GATAD2B: variants seen among roughly 807,000 people sequenced by gnomAD.
GATAD2B encodes transcriptional repressor p66-beta.
In GATAD2B, 8 loss-of-function variants were observed where a neutral mutation model predicts 64.3. The observed-to-expected ratio is 0.12, with a 90% CI of 0.07 to 0.22. The LOEUF is 0.22. GATAD2B is among the 10% of genes least tolerant of loss of function. GATAD2B has a pLI of 1.00. For synonymous variants in GATAD2B, 281 were observed against 271.3 expected (o/e 1.04, Z -0.35); for missense variants, 453 against 752.0 (o/e 0.60, Z 4.65).
chr1:153,832,326 T>C (rs1470569606), intron 1 of GATAD2B, among the ~76,000 whole-genome samples: 3 of 152,210 alleles, frequency 2.0e-5, no homozygotes, highest in African/African-American at 4.8e-5. Context: ...AAGGCCTTAC[T>C]GGCAATATGG....
intron 1 of GATAD2B, among the ~76,000 whole-genome samples, chr1:153,845,707 G>C (rs890185742): frequency 1.3e-5 from 2 of 151,992 alleles, no homozygotes; most frequent in African/African-American, 4.8e-5. Flanking sequence ...GCTGCAGTGA[G>C]CAATTGCACC....
intron 1 of GATAD2B, among the ~76,000 whole-genome samples, chr1:153,866,394 G>T (rs376306640): frequency 6.1e-4 from 93 of 152,110 alleles, no homozygotes; most frequent in South Asian, 4.4e-3. Context: ...GAGATTAGTG[G>T]GCCTGTGTCC....
chr1:153,907,955 C>T (rs977163063), intron 1 of GATAD2B, among the ~76,000 whole-genome samples: 2 of 152,162 alleles, frequency 1.3e-5, no homozygotes, highest in African/African-American at 4.8e-5. Context: ...CAGGCATGCG[C>T]CACCACGTTC....
At position 153,811,737 on chromosome 1, in the gene GATAD2B, T is replaced by C; in HGVS notation, c.1642A>G (p.Met548Val). The change falls in exon 10 of 11, where the codon ATG (methionine) becomes GTG (valine). Residue 548 changes from methionine to valine, a missense_variant. Met to Val is a conservative substitution (Grantham distance 21, BLOSUM62 1). Around this residue, in one of 2 missense-constraint regions of GATAD2B, gnomAD observed 160 missense variants for 334.7 expected, o/e 0.48. Coordinates refer to ENST00000368655, the MANE Select transcript of GATAD2B (RefSeq NM_020699.4). Reference protein sequence around the residue: ...QLSVPGGLLGMPGVNIAYLNT... With the variant: ...QLSVPGGLLGVPGVNIAYLNT... ...TCAGATTAATCCTTCTTACCTGGCA[T>C]ACCAAGGAGGCCACCTGGCACAGAC... 1 of 1,602,370 alleles carries C rather than the reference T, an allele frequency of 6.2e-7. No homozygotes were observed. Among genetic ancestry groups the C allele is most frequent in the Non-Finnish European group, 8.5e-7 (1 of 1,169,930 alleles).
intron 1 of GATAD2B, among the ~76,000 whole-genome samples, chr1:153,887,001 T>C (rs1156419125): frequency 2.6e-5 from 4 of 152,202 alleles, no homozygotes; most frequent in Admixed American, 6.6e-5. Context: ...CTACTTCTTA[T>C]AGTCCTGTCT....
chr1:153,818,871 G>A lies in GATAD2B; in HGVS notation c.517C>T (p.Leu173=), dbSNP rs1674577227. The change falls in exon 4 of 11, where the codon CTA becomes TTA. Residue 173 remains leucine, a synonymous_variant. Transcript: ENST00000368655. ...QQLIKQLRDE[L]RLEEARLVLL... is the part of the protein sequence containing the mutation. ...ACCAGTCGGGCTTCTTCCAATCGTA[G>A]CTCATCCCTCAGCTGCTTGATAAGC... 1.2e-6 allele frequency: 2 copies of A among 1,612,884 alleles called. No individual in the cohort carries two copies. Among genetic ancestry groups the A allele is most frequent in the African/African-American group, 1.3e-5 (1 of 74,856 alleles).
intron 1 of GATAD2B, among the ~76,000 whole-genome samples, chr1:153,870,156 G>T (rs745717984): frequency 3.3e-5 from 5 of 152,076 alleles, no homozygotes; most frequent in Non-Finnish European, 7.4e-5. Flanking sequence ...TCATCATGTT[G>T]GCCAGGCTGG....
chr1:153,897,630 G>A (rs1201229543), intron 1 of GATAD2B, among the ~76,000 whole-genome samples: 2 of 152,106 alleles, frequency 1.3e-5, no homozygotes, highest in African/African-American at 4.8e-5. Flanking sequence ...TTGCTCTAAA[G>A]TGTAAGTTTC....
intron 1 of GATAD2B, among the ~76,000 whole-genome samples, chr1:153,905,235 C>A (rs559623785): frequency 6.6e-6 from 1 of 151,866 alleles, no homozygotes; most frequent in Non-Finnish European, 1.5e-5. Context: ...ATTAGCCGGG[C>A]GTGGTGGCAG....
At chr1:153,878,733 C>T (rs1299594106) in intron 1 of GATAD2B, among the ~76,000 whole-genome samples, 39 of 150,918 alleles carry the variant, frequency 2.6e-4, no homozygotes, top group Admixed American at 2.6e-3. Flanking sequence ...AAAATAAACT[C>T]ACATAAAACC....
chr1:153,861,160 A>G (rs1473863525), intron 1 of GATAD2B, among the ~76,000 whole-genome samples: 2 of 152,194 alleles, frequency 1.3e-5, no homozygotes, highest in African/African-American at 2.4e-5. Flanking sequence ...ATCCATATAC[A>G]AGGAGTCTCA....
chr1:153,865,095 C>CTAT (rs1676431374), intron 1 of GATAD2B, among the ~76,000 whole-genome samples: 1 of 151,494 alleles, frequency 6.6e-6, no homozygotes, highest in Non-Finnish European at 1.5e-5. Flanking sequence ...ATTTAGTATA[C>CTAT]TACATAATTT....
At chr1:153,905,500 T>C (rs1431671256) in intron 1 of GATAD2B, among the ~76,000 whole-genome samples, 2 of 122,966 alleles carry the variant, frequency 1.6e-5, no homozygotes, top group Non-Finnish European at 3.3e-5. Context: ...GAAAAACCCA[T>C]CCTAAAATTC....
intron 1 of GATAD2B, among the ~76,000 whole-genome samples, chr1:153,919,175 A>G (rs755306646): frequency 6.6e-6 from 1 of 152,228 alleles, no homozygotes; most frequent in Non-Finnish European, 1.5e-5. Flanking sequence ...GTAACGAATG[A>G]TGTGTTCTTA....
chr1:153,867,423 T>C (rs905751261), intron 1 of GATAD2B, among the ~76,000 whole-genome samples: 1 of 151,312 alleles, frequency 6.6e-6, no homozygotes, highest in African/African-American at 2.4e-5. Flanking sequence ...GCAAGAGGAG[T>C]GTCTGGACTC....
In GATAD2B at chr1:153,857,705, G is replaced by A. The variant is rs192740354; in HGVS notation, c.-1-29357C>T. Among the ~76,000 whole-genome samples, 30 of 152,230 alleles carry A rather than the reference G, an allele frequency of 2.0e-4. 1 individual carries two copies. Among genetic ancestry groups the A allele is most frequent in the African/African-American group, 7.2e-4 (30 of 41,566 alleles). ...AAGATATTTATAATCAAGAAGCGCT[G>A]AAATCATCATCCATTCTTACATGTG... On this transcript the variant is annotated intron_variant, in intron 1 of 10. Transcript: ENST00000368655.
At chr1:153,877,887 T>TA (rs36032008) in intron 1 of GATAD2B, among the ~76,000 whole-genome samples, 4,101 of 110,830 alleles carry the variant, frequency 0.037, 112 homozygotes, top group African/African-American at 0.085. Flanking sequence ...CAAAAAAACT[T>TA]AAAAAAAAAA....
chr1:153,813,127 G>A (rs931114965), intron 8 of GATAD2B, 123 bp downstream of exon 8: 11 of 713,456 alleles, frequency 1.5e-5, no homozygotes, highest in East Asian at 4.9e-5. Context: ...CAATGATAAG[G>A]AGACAAAAAG....
At chr1:153,865,231 G>C (rs149453793) in intron 1 of GATAD2B, among the ~76,000 whole-genome samples, 2 of 152,120 alleles carry the variant, frequency 1.3e-5, no homozygotes, top group African/African-American at 4.8e-5. Flanking sequence ...AGGCCAAGGC[G>C]GGTGGATCAC....
Sources: gnomAD v4.1 joint callset for allele counts (sites outside exome capture counted in the v4.1 genomes callset) on GRCh38, gnomAD v4.1.1 for gene constraint, gnomAD v4.1.1 regional missense constraint, MANE v1.5 for transcripts, NCBI Gene and HGNC (gene_info 2026-07-23, HGNC 2026-07-21) for gene names.